Variants in PFKFB3 observed in about 807,000 individuals in gnomAD.
PFKFB3 encodes the protein 6-phosphofructo-2-kinase/fructose-2,6-bisphosphatase 3.
PFKFB3 carries 33 observed loss-of-function variants against 68.0 expected under a neutral mutation model. The observed-to-expected ratio is 0.49, with a 90% confidence interval of 0.37 to 0.65. PFKFB3 has a LOEUF of 0.65. PFKFB3 is among the 30% of genes least tolerant of loss of function. The pLI is 0.00. For missense variants in PFKFB3, 586 were observed against 712.2 expected (o/e 0.82, Z 2.02); for synonymous variants, 315 against 288.2 (o/e 1.09, Z -0.94).
At chr10:6,159,176 C>T (rs1417634888) in intron 1 of PFKFB3, among the ~76,000 whole-genome samples, 1 of 152,126 alleles carries the variant, frequency 6.6e-6, no homozygotes, top group African/African-American at 2.4e-5. Context: ...AGGCAGATCC[C>T]TTGAGGTCAG....
At chr10:6,280,348 C>G in the PFKFB3 span, among the ~76,000 whole-genome samples, 1 of 152,208 alleles carries the variant, frequency 6.6e-6, no homozygotes, top group African/African-American at 2.4e-5. Flanking sequence ...GGGCATGGGC[C>G]ATGTCATGTC....
In PFKFB3 at chr10:6,156,359, T is replaced by C. The variant is rs557875538; in HGVS notation, c.16+11346T>C. On this transcript the variant is annotated intron_variant, in intron 1 of 14. Transcript: ENST00000379789. ...TTTGTGGAGACAAAGTCTCCTTGTG[T>C]TGCCCAGGCTGGTGTCCAACTCGTG... Among the ~76,000 whole-genome samples the C allele has an allele frequency of 7.8e-3, 1,190 of 152,132 alleles. 5 individuals carry two copies. The highest frequency in any genetic ancestry group is 0.011 in the Non-Finnish European group (743 of 67,998).
chr10:6,221,443 C>T lies in PFKFB3; in HGVS notation c.894C>T (p.Thr298=), dbSNP rs1319266639. The T allele has an allele frequency of 6.2e-7, 1 of 1,613,872 alleles. No individual in the cohort carries two copies. The highest frequency in any genetic ancestry group is 1.7e-5 in the Admixed American group (1 of 60,022). The part of the protein sequence containing the change: ...EQNLKDLRVW[T]SQLKSTIQTA... The stretch of plus-strand genomic sequence containing the variant: ...ACCTGAAGGACCTGCGCGTGTGGAC[C>T]AGCCAGCTGAAGAGCACCATCCAGA... Residue 298 remains threonine, a synonymous_variant, in exon 9 of 15, where the codon ACC becomes ACT. Coordinates refer to ENST00000379775, the MANE Select transcript of PFKFB3 (RefSeq NM_004566.4).
intron 1 of PFKFB3, among the ~76,000 whole-genome samples, chr10:6,175,855 C>G (rs1022947063): frequency 6.6e-6 from 1 of 152,202 alleles, no homozygotes; most frequent in African/African-American, 2.4e-5. Flanking sequence ...AAGAAAAAGA[C>G]CACATGTTGG....
At chr10:6,242,795 C>A (rs1021692799) in intron 14 of PFKFB3, among the ~76,000 whole-genome samples, 3 of 152,186 alleles carry the variant, frequency 2.0e-5, no homozygotes, top group Non-Finnish European at 4.4e-5. Flanking sequence ...GCCATATTGG[C>A]CAGGCTGGTT....
At chr10:6,174,115 G>A (rs987869798) in intron 1 of PFKFB3, among the ~76,000 whole-genome samples, 6 of 151,308 alleles carry the variant, frequency 4.0e-5, no homozygotes, top group Non-Finnish European at 5.9e-5. Context: ...GTCCTTACAC[G>A]GTGCTCCTTA....
At chr10:6,213,297 ATTGT>A (rs1158237418) in intron 1 of PFKFB3, among the ~76,000 whole-genome samples, 1 of 152,050 alleles carries the variant, frequency 6.6e-6, no homozygotes, top group Admixed American at 6.6e-5. Context: ...CTCTGGGAGG[ATTGT>A]TTGAGACCAG....
At chr10:6,167,571 A>G (rs75057877) in intron 1 of PFKFB3, among the ~76,000 whole-genome samples, 1,650 of 152,362 alleles carry the variant, frequency 0.011, 69 homozygotes, top group East Asian at 0.099. Flanking sequence ...TAAAGAGACA[A>G]TATCTTGTTT....
At chr10:6,319,867 T>A in the PFKFB3 span, among the ~76,000 whole-genome samples, 2 of 152,142 alleles carry the variant, frequency 1.3e-5, no homozygotes, top group Non-Finnish European at 2.9e-5. Context: ...CAACAAAACA[T>A]CTTGTTAAAG....
chr10:6,183,612 AAAAT>A (rs1398540868), intron 1 of PFKFB3, among the ~76,000 whole-genome samples: 400 of 55,200 alleles, frequency 7.2e-3, no homozygotes, highest in Middle Eastern at 0.018. Context: ...AAAAAAAAAA[AAAAT>A]ATATATATAT....
the PFKFB3 span, among the ~76,000 whole-genome samples, chr10:6,295,661 T>C: frequency 2.6e-5 from 4 of 152,138 alleles, no homozygotes; most frequent in African/African-American, 4.8e-5. Flanking sequence ...CTGAGTTGGG[T>C]GTTTCTCTTC....
In PFKFB3 at chr10:6,218,812, G is replaced by A. The variant is rs537956767; in HGVS notation, c.499-757G>A. 6.7e-4 allele frequency among the ~76,000 whole-genome samples: 102 copies of A among 152,298 alleles called. 1 individual carries two copies. The highest frequency in any genetic ancestry group is 2.1e-3 in the African/African-American group (89 of 41,564). ...GGGCAACCGCCACACTCTATCCGCAGGACTTTCTCATCTTCCCCGGCTGAA... is the reference window on the plus strand; with the variant it reads ...GGGCAACCGCCACACTCTATCCGCAAGACTTTCTCATCTTCCCCGGCTGAA... On this transcript the variant is annotated intron_variant, in intron 6 of 14. Coordinates refer to ENST00000379775, the MANE Select transcript of PFKFB3 (RefSeq NM_004566.4).
chr10:6,154,755 G>A lies in PFKFB3; in HGVS notation c.16+9742G>A. On this transcript the variant is annotated intron_variant, in intron 1 of 14. Transcript: ENST00000379789. This position sits in a 1 kb window ranked among gnomAD's most constrained non-coding sequence, Gnocchi z 4.6. ...GGCGGGATTTGATGGATTTGCTGTG[G>A]GGTGAGAGAGAGTGAATCATGGGTA... Among the ~76,000 whole-genome samples the A allele has an allele frequency of 6.6e-6, 1 of 152,192 alleles. No homozygotes were observed. The highest frequency in any genetic ancestry group is 1.9e-4 in the East Asian group (1 of 5,196).
At chr10:6,241,824 T>C (rs1846146678) in intron 14 of PFKFB3, among the ~76,000 whole-genome samples, 2 of 152,038 alleles carry the variant, frequency 1.3e-5, no homozygotes, top group Non-Finnish European at 2.9e-5. Flanking sequence ...TTTCTTTTTT[T>C]TAATTTTTTT....
downstream of PFKFB3, among the ~76,000 whole-genome samples, chr10:6,238,002 C>A (rs17152396): frequency 0.022 from 3,294 of 151,952 alleles, 141 homozygotes; most frequent in Admixed American, 0.097. Flanking sequence ...TGTGAAGGCG[C>A]TGGTTTCAAC....
chr10:6,166,155 G>A (rs653711), intron 1 of PFKFB3, among the ~76,000 whole-genome samples: 78,442 of 151,678 alleles, frequency 0.52, 20,644 homozygotes, highest in South Asian at 0.64. Flanking sequence ...TAATTTTTGT[G>A]ATTTTTAGTA....
intron 1 of PFKFB3, among the ~76,000 whole-genome samples, chr10:6,155,197 G>GTTTT (rs1554839904): frequency 1.2e-4 from 12 of 101,314 alleles, no homozygotes; most frequent in Non-Finnish European, 2.7e-4. Flanking sequence ...GCACTTACGA[G>GTTTT]TTTTTTTCTT....
At chr10:6,255,069 G>A (rs771201665), downstream of PFKFB3, among the ~76,000 whole-genome samples, 9 of 151,230 alleles carry the variant, frequency 6.0e-5, no homozygotes, top group East Asian at 1.9e-4. Context: ...GGCCCACCTC[G>A]GTCTCCCAAA....
chr10:6,147,781 G>C (rs1270306866), intron 1 of PFKFB3, among the ~76,000 whole-genome samples: 1 of 152,038 alleles, frequency 6.6e-6, no homozygotes, highest in East Asian at 1.9e-4. Context: ...GTCCATACAG[G>C]GGACCTGACG....
Sources: allele counts gnomAD v4.1 joint callset (sites outside exome capture counted in the v4.1 genomes callset), GRCh38; gene constraint gnomAD v4.1.1; non-coding constraint Gnocchi (gnomAD v3.1); transcripts MANE v1.5; gene names NCBI Gene and HGNC (gene_info 2026-07-23, HGNC 2026-07-21).